GCNT2: variants seen among roughly 807,000 people sequenced by gnomAD.
The protein encoded by GCNT2 is glucosaminyl (N-acetyl) transferase 2 (I blood group).
Under a neutral mutation model 34.2 loss-of-function variants are expected in GCNT2, and 34 were observed. The observed-to-expected ratio is 1.00, with a 90% CI of 0.76 to 1.32. The LOEUF (loss-of-function observed/expected upper bound fraction) is 1.32, where lower values mean the gene tolerates loss of function less well. Ranked by LOEUF, GCNT2 falls within the 40% of genes most tolerant of loss-of-function variation. GCNT2 has a pLI of 0.00. For missense variants in GCNT2, 584 were observed against 489.4 expected (o/e 1.19, Z -1.82); for synonymous variants, 212 against 188.0 (o/e 1.13, Z -1.04).
intron 1 of GCNT2, among the ~76,000 whole-genome samples, chr6:10,526,740 C>T (rs1405054822): frequency 1.3e-5 from 2 of 152,076 alleles, no homozygotes; most frequent in East Asian, 3.9e-4. Flanking sequence ...TGTGTATTTC[C>T]TATAGGCAAG....
intron 1 of GCNT2, among the ~76,000 whole-genome samples, chr6:10,522,046 C>G (rs1411596701): frequency 6.6e-6 from 1 of 151,938 alleles, no homozygotes; most frequent in Non-Finnish European, 1.5e-5. Context: ...CACAACCAAG[C>G]CCGGCTAATT....
chr6:10,539,954 G>A (rs991450720), intron 3 of GCNT2, among the ~76,000 whole-genome samples: 4 of 152,048 alleles, frequency 2.6e-5, no homozygotes, highest in African/African-American at 4.8e-5. Context: ...GGCGCGTGCC[G>A]GTAGTCCCAG....
intron 3 of GCNT2, among the ~76,000 whole-genome samples, chr6:10,594,870 G>C (rs1295470851): frequency 6.6e-6 from 1 of 151,516 alleles, no homozygotes; most frequent in Non-Finnish European, 1.5e-5. Context: ...TTTGAGATAA[G>C]GTCCCTGCTC....
At chr6:10,546,146 C>T (rs1458986873) in intron 3 of GCNT2, among the ~76,000 whole-genome samples, 1 of 152,172 alleles carries the variant, frequency 6.6e-6, no homozygotes. Flanking sequence ...AGATGGGCTA[C>T]ACGTTGATCT....
At chr6:10,591,113 G>C (rs919163399) in intron 3 of GCNT2, among the ~76,000 whole-genome samples, 2 of 152,182 alleles carry the variant, frequency 1.3e-5, no homozygotes, top group Admixed American at 6.5e-5. Flanking sequence ...CCTATTAACT[G>C]AATAGCTCTT....
At chr6:10,605,622 G>C (rs543202982) in intron 3 of GCNT2, among the ~76,000 whole-genome samples, 1 of 152,208 alleles carries the variant, frequency 6.6e-6, no homozygotes, top group East Asian at 1.9e-4. Flanking sequence ...TTCCATAGAT[G>C]ATTCTAAAAT....
chr6:10,574,479 T>A (rs1763700647), intron 3 of GCNT2, among the ~76,000 whole-genome samples: 1 of 152,104 alleles, frequency 6.6e-6, no homozygotes. Context: ...AAAGGGGGTG[T>A]GGGTAGAAGG....
At chr6:10,568,042 C>T (rs149248096) in intron 3 of GCNT2, among the ~76,000 whole-genome samples, 12 of 152,140 alleles carry the variant, frequency 7.9e-5, no homozygotes, top group East Asian at 7.7e-4. Flanking sequence ...ATTCAGAATT[C>T]GAGAAATGTT....
chr6:10,590,385 G>A (rs546292575), intron 3 of GCNT2, among the ~76,000 whole-genome samples: 1 of 146,624 alleles, frequency 6.8e-6, no homozygotes, highest in South Asian at 2.1e-4. Flanking sequence ...GTGACAGAGT[G>A]AGACTCTGTC....
At chr6:10,557,156 A>T (rs762604882) in intron 3 of GCNT2, 4 of 1,549,626 alleles carry the variant, frequency 2.6e-6, no homozygotes, top group Non-Finnish European at 3.5e-6. Flanking sequence ...TGTGATAAGA[A>T]CAACAGCGTT....
intron 1 of GCNT2, among the ~76,000 whole-genome samples, chr6:10,523,754 C>T (rs1182302795): frequency 6.6e-6 from 1 of 152,014 alleles, no homozygotes; most frequent in East Asian, 1.9e-4. Context: ...GGGCGGATCA[C>T]GAGGTCAGGA....
chr6:10,579,471 G>C (rs1763968766), intron 3 of GCNT2, among the ~76,000 whole-genome samples: 1 of 152,014 alleles, frequency 6.6e-6, no homozygotes, highest in South Asian at 2.1e-4. Context: ...TCCTTTCATA[G>C]ACATTAACTT....
At chr6:10,571,168 C>T (rs757126225) in intron 3 of GCNT2, among the ~76,000 whole-genome samples, 3 of 152,090 alleles carry the variant, frequency 2.0e-5, no homozygotes, top group Non-Finnish European at 4.4e-5. Flanking sequence ...ATTTTTTAGC[C>T]TCACTGCCTA....
chr6:10,580,615 T>TAA (rs35767928), intron 3 of GCNT2, among the ~76,000 whole-genome samples: 22 of 144,068 alleles, frequency 1.5e-4, no homozygotes, highest in Non-Finnish European at 2.1e-4. Context: ...AGCATTGCCT[T>TAA]AAAAAAAAAA....
At chr6:10,568,978 T>G (rs1225190322) in intron 3 of GCNT2, among the ~76,000 whole-genome samples, 1 of 152,206 alleles carries the variant, frequency 6.6e-6, no homozygotes, top group Non-Finnish European at 1.5e-5. Context: ...GTTGTAATGC[T>G]TTTATGTCAT....
intron 3 of GCNT2, among the ~76,000 whole-genome samples, chr6:10,535,839 G>A (rs1761726602): frequency 2.0e-5 from 3 of 152,128 alleles, no homozygotes; most frequent in African/African-American, 7.2e-5. Context: ...GTGGGTGATT[G>A]AGGGCCCGAA....
At chr6:10,607,752 G>T (rs546662640) in intron 3 of GCNT2, among the ~76,000 whole-genome samples, 3 of 152,292 alleles carry the variant, frequency 2.0e-5, no homozygotes, top group African/African-American at 7.2e-5. Flanking sequence ...GATAATTAAT[G>T]ATGATAGATA....
At chr6:10,604,188 C>T (rs909518897) in intron 3 of GCNT2, among the ~76,000 whole-genome samples, 2 of 152,112 alleles carry the variant, frequency 1.3e-5, no homozygotes, top group South Asian at 2.1e-4. Context: ...TGAGCCACCG[C>T]GCCCAGCCTA....
At chr6:10,556,916 C>T (rs1762740433) in intron 3 of GCNT2, 1 of 1,614,044 alleles carries the variant, frequency 6.2e-7, no homozygotes. Context: ...GATCTCCAGG[C>T]TCCAGGCTGA....
Sources: gnomAD v4.1 joint callset for allele counts (sites outside exome capture counted in the v4.1 genomes callset) on GRCh38, gnomAD v4.1.1 for gene constraint, MANE v1.5 for transcripts, NCBI Gene and HGNC (gene_info 2026-07-23, HGNC 2026-07-21) for gene names.